Variants in ADCY9 observed in about 807,000 individuals in gnomAD.
ADCY9 encodes adenylate cyclase type 9.
Under a neutral mutation model 101.5 loss-of-function variants are expected in ADCY9, and 50 were observed. The ratio of observed to expected loss-of-function variants is 0.49; its 90% CI spans 0.39 to 0.62. The LOEUF (loss-of-function observed/expected upper bound fraction) is 0.62, where lower values mean the gene tolerates loss of function less well. Among genes scored for constraint, ADCY9 ranks in the 20% least tolerant of loss-of-function variants. The pLI, the probability that ADCY9 is intolerant of heterozygous loss-of-function variation, is 0.00. For missense variants in ADCY9, 1,662 were observed against 1,800.4 expected, an observed-to-expected ratio of 0.92 and a Z score of 1.39; for synonymous variants, 905 against 769.3, an observed-to-expected ratio of 1.18 and a Z score of -2.92.
chr16:4,018,203 A>G (rs550887643), intron 2 of ADCY9, among the ~76,000 whole-genome samples: 18 of 151,020 alleles, frequency 1.2e-4, no homozygotes, highest in African/African-American at 4.1e-4. Context: ...TAAGTTGCGG[A>G]ATATTCTTCT....
chr16:4,114,158 G>A lies in ADCY9; in HGVS notation c.1285C>T (p.Leu429=). 6.2e-7 allele frequency: 1 copy of A among 1,613,872 alleles called. No individual in the cohort carries two copies. Among genetic ancestry groups the A allele is most frequent in the South Asian group, 1.1e-5 (1 of 91,080 alleles). Residue 429 remains leucine, a synonymous_variant, in exon 2 of 11, where the codon CTG becomes TTG. Coordinates refer to ENST00000294016, the MANE Select transcript of ADCY9 (RefSeq NM_001116.4). The surrounding 1 kb of genome is among the most constrained non-coding windows in gnomAD (Gnocchi z 4.3). Reference sequence around the variant, plus strand: ...TTCTCACACTTGGTCTCCTCACACAGGCGGTCGAAGCGACCGAACAGATCG... The same window carrying A: ...TTCTCACACTTGGTCTCCTCACACAAGCGGTCGAAGCGACCGAACAGATCG... ...LNDLFGRFDR[L]CEETKCEKIS...
intron 2 of ADCY9, among the ~76,000 whole-genome samples, chr16:4,071,205 CTG>C (rs1039813579): frequency 6.6e-6 from 1 of 151,700 alleles, no homozygotes; most frequent in Non-Finnish European, 1.5e-5. Flanking sequence ...TGATCCATGT[CTG>C]TAATCCTAGC....
intron 2 of ADCY9, among the ~76,000 whole-genome samples, chr16:4,017,385 C>T (rs1218766598): frequency 6.7e-6 from 1 of 150,036 alleles, no homozygotes; most frequent in Non-Finnish European, 1.5e-5. Context: ...TGGCTCACAC[C>T]TGTAATCCCA....
intron 2 of ADCY9, among the ~76,000 whole-genome samples, chr16:4,011,421 C>T (rs936080163): frequency 4.6e-5 from 7 of 152,080 alleles, no homozygotes; most frequent in Non-Finnish European, 7.4e-5. Context: ...AGGCATGAGG[C>T]GTAGGACAAG....
chr16:3,961,970 G>C (rs1354717468), downstream of ADCY9, among the ~76,000 whole-genome samples: 1 of 152,028 alleles, frequency 6.6e-6, no homozygotes, highest in African/African-American at 2.4e-5. Context: ...AGGTTGCAGT[G>C]AGCTGAGATC....
At chr16:4,085,371 GGAGA>G (rs984912590) in intron 2 of ADCY9, among the ~76,000 whole-genome samples, 2 of 151,992 alleles carry the variant, frequency 1.3e-5, no homozygotes, top group African/African-American at 4.8e-5. Context: ...CAAAAATGAA[GGAGA>G]GAGAGAAGGC....
intron 2 of ADCY9, among the ~76,000 whole-genome samples, chr16:4,025,926 A>G (rs2056511916): frequency 6.6e-6 from 1 of 151,972 alleles, no homozygotes; most frequent in South Asian, 2.1e-4. Flanking sequence ...GAAAGTATCT[A>G]AAATCTTCCA....
At chr16:3,974,912 T>A (rs1567417392) in intron 9 of ADCY9, among the ~76,000 whole-genome samples, 1 of 152,176 alleles carries the variant, frequency 6.6e-6, no homozygotes, top group Non-Finnish European at 1.5e-5. Context: ...TGAGTTTACG[T>A]CTTTGTTTAC....
At position 4,115,681 on chromosome 16, in the gene ADCY9, G is replaced by C. The variant is rs1028429513; in HGVS notation, c.-44+9C>G. ...CCTTCGAGGCGCACGAGAACCGCTC[G>C]GGACGGACCTAGAACGCCCGGGGGT... is the stretch of plus-strand genomic sequence containing the variant. On this transcript the variant is annotated intron_variant, in intron 1 of 10. Coordinates refer to ENST00000294016, the MANE Select transcript of ADCY9 (RefSeq NM_001116.4). This position sits in a 1 kb window ranked among gnomAD's most constrained non-coding sequence, Gnocchi z 6.2. The C allele has an allele frequency of 2.8e-5, 15 of 530,944 alleles. No individual in the cohort carries two copies. Among genetic ancestry groups the C allele is most frequent in the East Asian group, 2.4e-4 (8 of 33,306 alleles). The allele number at this position is 530,944 out of a possible 1,614,324, so 32.9% of individuals were successfully genotyped here.
rs1039723438 is a variant in ADCY9 at position 4,099,011 on chromosome 16, C to G, written c.1693+14739G>C. On this transcript the variant is annotated intron_variant, in intron 2 of 10. Coordinates refer to ENST00000294016, the MANE Select transcript of ADCY9 (RefSeq NM_001116.4). ...GCAGTGGTGTGATCTCAGCTCACTGCAACCTCTGCCTCCCAGGTTGAAACA... is the reference window on the plus strand; with the variant it reads ...GCAGTGGTGTGATCTCAGCTCACTGGAACCTCTGCCTCCCAGGTTGAAACA... Among the ~76,000 whole-genome samples the G allele has an allele frequency of 3.9e-5, 6 of 152,288 alleles. No homozygotes were observed. In the South Asian group the frequency reaches 1.2e-3, roughly 32 times the overall value.
chr16:4,006,942 A>G (rs2056371199), intron 3 of ADCY9, among the ~76,000 whole-genome samples: 1 of 152,176 alleles, frequency 6.6e-6, no homozygotes, highest in African/African-American at 2.4e-5. Context: ...ATTTCAAGTA[A>G]TCATAAAATA....
Position 4,116,098 on chromosome 16 carries a change from G to C in ADCY9, c.-452C>G, listed in dbSNP as rs1230489156. 2 of 145,054 alleles carry C rather than the reference G, an allele frequency of 1.4e-5. No individual in the cohort carries two copies. Among genetic ancestry groups the C allele is most frequent in the African/African-American group, 4.9e-5 (2 of 40,524 alleles). The allele number at this position is 145,054 out of a possible 1,614,324, so 9.0% of individuals were successfully genotyped here. The stretch of plus-strand genomic sequence containing the variant: ...CGGGCGCTGGGGGTGGGGGCGCCCC[G>C]GGCTGCGAGTGCGCGGAGCCCGTCG... On this transcript the variant is annotated 5_prime_UTR_variant, in exon 1 of 11. Coordinates refer to ENST00000294016, the MANE Select transcript of ADCY9 (RefSeq NM_001116.4).
At chr16:3,970,624 G>A (rs951999849) in intron 10 of ADCY9, among the ~76,000 whole-genome samples, 12 of 152,300 alleles carry the variant, frequency 7.9e-5, no homozygotes, top group Middle Eastern at 3.4e-3. Context: ...CACCATGCCC[G>A]GCCAAAAGCT....
intron 10 of ADCY9, among the ~76,000 whole-genome samples, chr16:3,971,806 C>T (rs1185407188): frequency 6.6e-6 from 1 of 152,100 alleles, no homozygotes; most frequent in Non-Finnish European, 1.5e-5. Flanking sequence ...TGTTTCCAGT[C>T]TCTGTGGTGG....
chr16:4,115,738 C>G lies in ADCY9; in HGVS notation c.-92G>C, dbSNP rs1376116151. The G allele has an allele frequency of 2.4e-6, 1 of 414,284 alleles. No individual in the cohort carries two copies. Among genetic ancestry groups the G allele is most frequent in the Non-Finnish European group, 4.2e-6 (1 of 235,962 alleles). 25.7% of individuals were successfully genotyped at this position (414,284 alleles called of 1,614,324 possible). On this transcript the variant is annotated 5_prime_UTR_variant, in exon 1 of 11. Transcript: ENST00000294016. This position sits in a 1 kb window ranked among gnomAD's most constrained non-coding sequence, Gnocchi z 6.2. Reference sequence around the variant, plus strand: ...CGCGTGGCCGCCGTGGCTCCGGGACCGCTTTGCTCGCTCGCCTTCCGCGCC... The same window carrying G: ...CGCGTGGCCGCCGTGGCTCCGGGACGGCTTTGCTCGCTCGCCTTCCGCGCC...
intron 5 of ADCY9, among the ~76,000 whole-genome samples, chr16:3,954,797 G>C (rs948506179): frequency 1.3e-5 from 2 of 152,184 alleles, no homozygotes; most frequent in Non-Finnish European, 2.9e-5. Flanking sequence ...GACACAGATG[G>C]GGAGGCCCTG....
chr16:4,100,973 A>C lies in ADCY9; in HGVS notation c.1693+12777T>G, dbSNP rs527469410. On this transcript the variant is annotated intron_variant, in intron 2 of 10. Coordinates refer to ENST00000294016, the MANE Select transcript of ADCY9 (RefSeq NM_001116.4). ...TGGCTGTTGCTGCCACTGCTAAGAA[A>C]ATTATTCCAACTTTCAGTAACACTA... Among the ~76,000 whole-genome samples the C allele has an allele frequency of 1.4e-4, 22 of 152,254 alleles. 1 individual carries two copies. The South Asian group carries it at 4.4e-3, about 30-fold the overall frequency.
intron 2 of ADCY9, among the ~76,000 whole-genome samples, chr16:4,083,885 C>T: frequency 6.6e-6 from 1 of 152,098 alleles, no homozygotes; most frequent in East Asian, 1.9e-4. Context: ...GTGTGCCGGG[C>T]TTCTCTGTCG....
intron 2 of ADCY9, among the ~76,000 whole-genome samples, chr16:4,065,549 C>T (rs149121596): frequency 6.6e-6 from 1 of 152,238 alleles, no homozygotes; most frequent in Non-Finnish European, 1.5e-5. Flanking sequence ...AGCCTCCCAT[C>T]GAGGCCCATG....
Sources: gnomAD v4.1 joint callset for allele counts (sites outside exome capture counted in the v4.1 genomes callset) on GRCh38, gnomAD v4.1.1 for gene constraint, Gnocchi (gnomAD v3.1) non-coding constraint, MANE v1.5 for transcripts, NCBI Gene and HGNC (gene_info 2026-07-23, HGNC 2026-07-21) for gene names.